Variants in DCLK3 observed in about 807,000 individuals in gnomAD.
The protein encoded by DCLK3 is doublecortin like kinase 3.
A neutral mutation model predicts 46.4 loss-of-function variants in DCLK3; 30 were observed. That is an observed-to-expected ratio of 0.65 (90% CI 0.48 to 0.88). The LOEUF (loss-of-function observed/expected upper bound fraction) is 0.88, where lower values mean the gene tolerates loss of function less well. Among genes scored for constraint, DCLK3 ranks in the 40% least tolerant of loss-of-function variants. DCLK3 has a pLI of 0.00. For synonymous variants in DCLK3, 401 were observed against 339.2 expected, an observed-to-expected ratio of 1.18 and a Z score of -2.00; for missense variants, 846 against 907.1, an observed-to-expected ratio of 0.93 and a Z score of 0.87.
chr3:36,731,973 T>C (rs1326896049), intron 2 of DCLK3, among the ~76,000 whole-genome samples: 1 of 152,208 alleles, frequency 6.6e-6, no homozygotes, highest in Non-Finnish European at 1.5e-5. Flanking sequence ...TTAAAGACTT[T>C]TAAGAAAGTT....
chr3:36,737,571 C>T lies in DCLK3; in HGVS notation c.1596G>A (p.Gly532=). 6.2e-7 allele frequency: 1 copy of T among 1,614,184 alleles called. No individual in the cohort carries two copies. The highest frequency in any genetic ancestry group is 1.1e-5 in the South Asian group (1 of 91,080). The change falls in exon 2 of 5, where the codon GGG becomes GGA. Residue 532 remains glycine, a synonymous_variant. Coordinates refer to ENST00000636136, the MANE Select transcript of DCLK3 (RefSeq NM_001394672.2). The surrounding 1 kb of genome is among the most constrained non-coding windows in gnomAD (Gnocchi z 4.4). ...EKHYETGRVI[G]DGNFAVVKEC... Reference sequence around the variant, plus strand: ...CCTTCACGACAGCAAAGTTCCCATCCCCAATGACCCGGCCAGTCTCATAAT... The same window carrying T: ...CCTTCACGACAGCAAAGTTCCCATCTCCAATGACCCGGCCAGTCTCATAAT...
In DCLK3 at chr3:36,714,544, C is replaced by T. The variant is rs534873398; in HGVS notation, c.*784G>A. The T allele has an allele frequency of 2.0e-5, 3 of 152,186 alleles. No individual in the cohort carries two copies. Among genetic ancestry groups the T allele is most frequent in the Non-Finnish European group, 1.5e-5 (1 of 68,042 alleles). 9.4% of individuals were successfully genotyped at this position (152,186 alleles called of 1,614,324 possible). ...ACTGCATTTCTGACATATTAATGTA[C>T]TAAATGGCTCCCTCGTGATCTGAAA... On this transcript the variant is annotated 3_prime_UTR_variant, in exon 5 of 5. Coordinates refer to ENST00000636136, the MANE Select transcript of DCLK3 (RefSeq NM_001394672.2).
chr3:36,760,855 G>A (rs1462534200), intron 1 of DCLK3, among the ~76,000 whole-genome samples: 5 of 152,288 alleles, frequency 3.3e-5, no homozygotes, highest in African/African-American at 1.2e-4. Flanking sequence ...ATAATATCTG[G>A]TAATTGCTTT....
chr3:36,745,570 C>T (rs990108251), intron 1 of DCLK3, among the ~76,000 whole-genome samples: 1 of 152,206 alleles, frequency 6.6e-6, no homozygotes, highest in Non-Finnish European at 1.5e-5. Context: ...CAGAAAGGTG[C>T]CCCTGAAAAT....
At chr3:36,752,648 C>T (rs1236923371) in intron 1 of DCLK3, among the ~76,000 whole-genome samples, 2 of 152,136 alleles carry the variant, frequency 1.3e-5, no homozygotes, top group Non-Finnish European at 2.9e-5. Flanking sequence ...TTGTTCAGGT[C>T]TGTGATGGAT....
chr3:36,719,431 C>T (rs1050616389), intron 3 of DCLK3, among the ~76,000 whole-genome samples: 1 of 152,194 alleles, frequency 6.6e-6, no homozygotes, highest in African/African-American at 2.4e-5. Flanking sequence ...CTCTTTTGGT[C>T]TTTTCTCAGT....
At chr3:36,757,330 A>G (rs1004122520) in intron 1 of DCLK3, among the ~76,000 whole-genome samples, 1 of 152,164 alleles carries the variant, frequency 6.6e-6, no homozygotes, top group Non-Finnish European at 1.5e-5. Flanking sequence ...CAGTATCTCC[A>G]TCCAAAAACA....
chr3:36,737,173 C>T lies in DCLK3; in HGVS notation c.1959+35G>A. 2 of 1,585,392 alleles carry T rather than the reference C, an allele frequency of 1.3e-6. No homozygotes were observed. Among genetic ancestry groups the T allele is most frequent in the Non-Finnish European group, 1.7e-6 (2 of 1,165,648 alleles). ...TCAATTTTATCCCATATTCTAAAAA[C>T]ACCCTCTCCCATATCATCAAAAGTC... On this transcript the variant is annotated intron_variant, in intron 2 of 4. Coordinates refer to ENST00000636136, the MANE Select transcript of DCLK3 (RefSeq NM_001394672.2). This position sits in a 1 kb window ranked among gnomAD's most constrained non-coding sequence, Gnocchi z 4.4.
At chr3:36,726,927 A>T (rs1701131069) in intron 2 of DCLK3, among the ~76,000 whole-genome samples, 1 of 152,340 alleles carries the variant, frequency 6.6e-6, no homozygotes, top group South Asian at 2.1e-4. Context: ...CATTAATCGT[A>T]GTTGCTGGGT....
At chr3:36,759,823 G>C (rs74763778) in intron 1 of DCLK3, among the ~76,000 whole-genome samples, 94 of 152,246 alleles carry the variant, frequency 6.2e-4, no homozygotes, top group African/African-American at 2.1e-3. Flanking sequence ...ACCAGGAAGG[G>C]TTCCTCCCTT....
In DCLK3 at chr3:36,738,114, G is replaced by A; in HGVS notation, c.1053C>T (p.Ser351=). ...YDVEKLVRTR[S]CRRSPEANPA... ...GATTTGCCTCGGGAGACCTCCTGCA[G>A]CTTCTGGTCCTCACCAGCTTCTCCA... Residue 351 remains serine (S), a synonymous_variant, in exon 2 of 5, where the codon AGC becomes AGT. Coordinates refer to ENST00000636136, the MANE Select transcript of DCLK3 (RefSeq NM_001394672.2). 5.0e-6 allele frequency: 8 copies of A among 1,613,906 alleles called. No homozygotes were observed. The highest frequency in any genetic ancestry group is 6.8e-6 in the Non-Finnish European group (8 of 1,179,946).
intron 2 of DCLK3, among the ~76,000 whole-genome samples, chr3:36,733,447 A>G (rs1280988279): frequency 2.6e-5 from 4 of 152,180 alleles, no homozygotes; most frequent in Admixed American, 6.5e-5. Context: ...CTGCTCACCC[A>G]GCTTTCTTTG....
intron 2 of DCLK3, among the ~76,000 whole-genome samples, chr3:36,731,450 TGC>T (rs1491290552): frequency 1.5e-5 from 1 of 68,546 alleles, no homozygotes; most frequent in East Asian, 4.8e-4. Flanking sequence ...CCTTCGTGCG[TGC>T]ACACACACAC....
chr3:36,750,152 C>T (rs1701426803), intron 1 of DCLK3, among the ~76,000 whole-genome samples: 1 of 152,192 alleles, frequency 6.6e-6, no homozygotes, highest in Non-Finnish European at 1.5e-5. Context: ...GCAATCTTGG[C>T]TCACTGCAAC....
At chr3:36,754,992 A>G (rs1398054419) in intron 1 of DCLK3, among the ~76,000 whole-genome samples, 1 of 152,248 alleles carries the variant, frequency 6.6e-6, no homozygotes, top group Non-Finnish European at 1.5e-5. Context: ...AGTGAAGCTT[A>G]TATGTACATA....
chr3:36,742,256 C>A (rs979961401), intron 1 of DCLK3, among the ~76,000 whole-genome samples: 3 of 152,110 alleles, frequency 2.0e-5, no homozygotes, highest in Non-Finnish European at 4.4e-5. Flanking sequence ...TGACTTGGCA[C>A]AATGGTACCC....
intron 1 of DCLK3, among the ~76,000 whole-genome samples, chr3:36,761,179 C>T (rs1158837543): frequency 6.6e-6 from 1 of 152,256 alleles, no homozygotes; most frequent in African/African-American, 2.4e-5. Flanking sequence ...GATGCCTCTA[C>T]ATACACCACT....
chr3:36,738,361 C>A lies in DCLK3; in HGVS notation c.806G>T (p.Trp269Leu). ...GGGCTTGCTACTGGGTTCTGGCTCC[C>A]ATTTCCCCCTCCCCCACTTCTTCTG... ...RTQKKWGRGK[W>L]EPEPSSKPPR... The change falls in exon 2 of 5, where the codon TGG becomes TTG. Residue 269 changes from tryptophan (W) to leucine (L), a missense_variant. By Grantham distance (61) the Trp-to-Leu change is moderately conservative (BLOSUM62 -2). This residue lies in a region of DCLK3 where 553 missense variants were observed against 543.0 expected (regional missense o/e 1.02). Coordinates refer to ENST00000636136, the MANE Select transcript of DCLK3 (RefSeq NM_001394672.2). 6.7e-7 allele frequency: 1 copy of A among 1,503,102 alleles called. No individual in the cohort carries two copies. The highest frequency in any genetic ancestry group is 1.4e-5 in the African/African-American group (1 of 70,934). The allele number at this position is 1,503,102 out of a possible 1,614,324, so 93.1% of individuals were successfully genotyped here.
At chr3:36,736,087 C>G (rs1184657446) in intron 2 of DCLK3, among the ~76,000 whole-genome samples, 8 of 152,290 alleles carry the variant, frequency 5.3e-5, no homozygotes, top group African/African-American at 1.9e-4. Context: ...CTCAAACACA[C>G]TAAGTTTACC....
Sources: gnomAD v4.1 joint callset for allele counts (sites outside exome capture counted in the v4.1 genomes callset) on GRCh38, gnomAD v4.1.1 for gene constraint, gnomAD v4.1.1 regional missense constraint, Gnocchi (gnomAD v3.1) non-coding constraint, MANE v1.5 for transcripts, NCBI Gene and HGNC (gene_info 2026-07-23, HGNC 2026-07-21) for gene names.